Variants in FBXO11 observed in about 807,000 individuals in gnomAD.
FBXO11 encodes F-box protein 11.
In FBXO11, 13 loss-of-function variants were observed where a neutral mutation model predicts 117.0. The ratio of observed to expected loss-of-function variants is 0.11; its 90% confidence interval spans 0.07 to 0.18. The LOEUF is 0.18. Ranked by LOEUF, FBXO11 falls within the 10% of genes least tolerant of loss-of-function variation. The pLI, the probability that FBXO11 is intolerant of heterozygous loss-of-function variation, is 1.00. For synonymous variants in FBXO11, 490 were observed against 380.5 expected, an observed-to-expected ratio of 1.29 and a Z score of -3.35; for missense variants, 767 against 1,164.4, an observed-to-expected ratio of 0.66 and a Z score of 4.97.
chr2:47,809,306 G>T, intron 20 of FBXO11, 40 bp from the exon 21 acceptor site: 2 of 1,321,350 alleles, frequency 1.5e-6, no homozygotes, highest in Non-Finnish European at 1.1e-6. Context: ...TCAGAGGAAT[G>T]TTAATATTTT....
chr2:47,896,601 G>A (rs1276743588), intron 1 of FBXO11, among the ~76,000 whole-genome samples: 1 of 152,104 alleles, frequency 6.6e-6, no homozygotes, highest in Non-Finnish European at 1.5e-5. Context: ...AAAAGTGCTA[G>A]GATTACAGGC....
chr2:47,839,325 T>A, intron 3 of FBXO11, 94 bp downstream of exon 3: 1 of 1,108,974 alleles, frequency 9.0e-7, no homozygotes, highest in Non-Finnish European at 1.3e-6. Context: ...ATCCCAAAGG[T>A]AATACTCGAA....
intron 1 of FBXO11, among the ~76,000 whole-genome samples, chr2:47,870,383 G>C (rs986449495): frequency 5.3e-5 from 8 of 152,138 alleles, no homozygotes; most frequent in Non-Finnish European, 7.3e-5. Flanking sequence ...CCTGATACCT[G>C]TGAACGTGGC....
Position 47,807,331 on chromosome 2 carries a change from A to ATACTT in FBXO11, c.*782_*786dup, listed in dbSNP as rs1466667764. The stretch of plus-strand genomic sequence containing the variant: ...CCTTTCACAAAACTGAGTTACAAGA[A>ATACTT]TACTTTTGTTTTACAGTGCATCCCT... On this transcript the variant is annotated 3_prime_UTR_variant, in exon 23 of 23. Transcript: ENST00000403359. 1 of 213,994 alleles carries ATACTT rather than the reference A, an allele frequency of 4.7e-6. No individual in the cohort carries two copies. Among genetic ancestry groups the ATACTT allele is most frequent in the East Asian group, 7.1e-5 (1 of 14,032 alleles). 13.3% of individuals were successfully genotyped at this position (213,994 alleles called of 1,614,324 possible).
chr2:47,816,871 G>A (rs1671040416), intron 16 of FBXO11, among the ~76,000 whole-genome samples: 1 of 152,128 alleles, frequency 6.6e-6, no homozygotes, highest in Admixed American at 6.5e-5. Context: ...TAGCGCACAG[G>A]CAGAGTAGAT....
chr2:47,809,054 T>TTA, intron 21 of FBXO11, 104 bp downstream of exon 21: 1 of 659,912 alleles, frequency 1.5e-6, no homozygotes, highest in Non-Finnish European at 2.6e-6. Flanking sequence ...TTTCAGTTAG[T>TTA]TATAGTCTCA....
intron 1 of FBXO11, among the ~76,000 whole-genome samples, chr2:47,867,549 C>T (rs1375910774): frequency 6.6e-6 from 1 of 152,122 alleles, no homozygotes; most frequent in African/African-American, 2.4e-5. Context: ...TACTGTAAGT[C>T]CCAGTCTAAC....
intron 11 of FBXO11, among the ~76,000 whole-genome samples, chr2:47,830,402 T>C (rs1572801165): frequency 6.6e-6 from 1 of 152,044 alleles, no homozygotes; most frequent in South Asian, 2.1e-4. Flanking sequence ...AAAAAATGGC[T>C]GGATGACAAA....
chr2:47,838,428 G>A (rs562017459), intron 4 of FBXO11, among the ~76,000 whole-genome samples: 1 of 150,414 alleles, frequency 6.6e-6, no homozygotes, highest in East Asian at 1.9e-4. Context: ...TTCAGAAGTA[G>A]AATTACTGGG....
intron 18 of FBXO11, chr2:47,810,875 T>C (rs1670564235): frequency 6.5e-6 from 1 of 152,830 alleles, no homozygotes; most frequent in Non-Finnish European, 1.5e-5. Context: ...CAGTTTCATC[T>C]GCTGCATAGT....
intron 1 of FBXO11, among the ~76,000 whole-genome samples, chr2:47,891,710 T>A (rs973382670): frequency 6.6e-6 from 1 of 152,356 alleles, no homozygotes; most frequent in South Asian, 2.1e-4. Context: ...TTTTCCATAA[T>A]AGTTACACCA....
intron 1 of FBXO11, among the ~76,000 whole-genome samples, chr2:47,844,540 A>T (rs1673261139): frequency 6.6e-6 from 1 of 152,214 alleles, no homozygotes; most frequent in African/African-American, 2.4e-5. Flanking sequence ...GCTCCCGCTT[A>T]CTGTTCTGAT....
At chr2:47,839,371 T>C (rs776521418) in intron 3 of FBXO11, 48 bp downstream of exon 3, 2 of 1,540,628 alleles carry the variant, frequency 1.3e-6, no homozygotes, top group Non-Finnish European at 1.8e-6. Context: ...TCAAGCAAAA[T>C]TAAAAAAAAT....
intron 11 of FBXO11, among the ~76,000 whole-genome samples, chr2:47,825,847 G>A (rs1413845200): frequency 6.6e-6 from 1 of 152,004 alleles, no homozygotes; most frequent in Non-Finnish European, 1.5e-5. Context: ...AAAGTGCTGG[G>A]ATTACAGGTG....
In FBXO11 at chr2:47,845,421, T is replaced by C. The variant is rs568621251; in HGVS notation, c.233-5652A>G. On this transcript the variant is annotated intron_variant, in intron 1 of 22. Transcript: ENST00000403359. ...TCTGCGCTGAAGAATATGTGCTAAT[T>C]TCTACATAGTTCTCATATTAAATTA... Among the ~76,000 whole-genome samples, 21 of 152,260 alleles carry C rather than the reference T, an allele frequency of 1.4e-4. No homozygotes were observed. The South Asian group carries it at 4.4e-3, about 32-fold the overall frequency.
In FBXO11 at chr2:47,822,317, A is replaced by G. The variant is rs771956276; in HGVS notation, c.1617-14T>C. The G allele has an allele frequency of 5.7e-5, 87 of 1,518,072 alleles. No individual in the cohort carries two copies. The highest frequency in any genetic ancestry group is 6.0e-5 in the Non-Finnish European group (67 of 1,112,672). The allele number at this position is 1,518,072 out of a possible 1,614,324, so 94.0% of individuals were successfully genotyped here. On this transcript the variant is annotated splice_polypyrimidine_tract_variant and intron_variant, in intron 12 of 22. Transcript: ENST00000403359. The stretch of plus-strand genomic sequence containing the variant: ...ATAGAATTTCCCCTATAATTATGCG[A>G]AATAAAAAAAAAGAAGACATCTATT...
intron 1 of FBXO11, among the ~76,000 whole-genome samples, chr2:47,856,847 C>T (rs1330588877): frequency 3.3e-5 from 5 of 152,082 alleles, no homozygotes; most frequent in African/African-American, 1.2e-4. Context: ...GCAAGAACCA[C>T]GAATGTCGTA....
At chr2:47,881,242 ACT>A (rs1341234595) in intron 1 of FBXO11, among the ~76,000 whole-genome samples, 3 of 151,888 alleles carry the variant, frequency 2.0e-5, no homozygotes, top group African/African-American at 4.8e-5. Context: ...ACACAACGAG[ACT>A]CTGTCTCAAA....
In FBXO11 at chr2:47,900,657, C is replaced by T. The variant is rs772575471; in HGVS notation, c.232+4832G>A. 3.8e-4 allele frequency among the ~76,000 whole-genome samples: 36 copies of T among 95,890 alleles called. 4 individuals carry two copies. Among genetic ancestry groups the T allele is most frequent in the East Asian group, 1.9e-3 (3 of 1,616 alleles). 62.9% of individuals were successfully genotyped at this position (95,890 alleles called of 152,430 possible). A position where few individuals can be genotyped will look rare whatever the true frequency, so the allele number is the denominator to read the frequency against. ...ACACGTACGTATATACACACGTATA[C>T]ACACACGTACGTATATACACACGTA... On this transcript the variant is annotated intron_variant, in intron 1 of 22. Transcript: ENST00000403359.
Sources: gnomAD v4.1 joint callset for allele counts (sites outside exome capture counted in the v4.1 genomes callset) on GRCh38, gnomAD v4.1.1 for gene constraint, MANE v1.5 for transcripts, NCBI Gene and HGNC (gene_info 2026-07-23, HGNC 2026-07-21) for gene names.